ZNF423: variants seen among roughly 807,000 people sequenced by gnomAD.
The protein encoded by ZNF423 is Ebf-associated zinc finger protein.
In ZNF423, 12 loss-of-function variants were observed where a neutral mutation model predicts 95.8. The observed-to-expected ratio is 0.13, with a 90% CI of 0.08 to 0.20. ZNF423 has a LOEUF of 0.20. Ranked by LOEUF, ZNF423 falls within the 10% of genes least tolerant of loss-of-function variation. The pLI is 1.00. For missense variants in ZNF423, 1,316 were observed against 1,737.1 expected (o/e 0.76, Z 4.31); for synonymous variants, 749 against 711.9 (o/e 1.05, Z -0.83).
At chr16:49,531,836 C>T (rs1019697547) in intron 5 of ZNF423, among the ~76,000 whole-genome samples, 8 of 152,040 alleles carry the variant, frequency 5.3e-5, no homozygotes, top group South Asian at 2.1e-4. Flanking sequence ...TGGCAGCCCA[C>T]GGGAACCCAC....
intron 5 of ZNF423, among the ~76,000 whole-genome samples, chr16:49,614,560 A>T (rs376475920): frequency 6.6e-6 from 1 of 152,210 alleles, no homozygotes; most frequent in African/African-American, 2.4e-5. Context: ...GATTATGGGT[A>T]GGAGGGAAGT....
chr16:49,813,624 G>A (rs1018265012), intron 1 of ZNF423, among the ~76,000 whole-genome samples: 1 of 151,948 alleles, frequency 6.6e-6, no homozygotes, highest in African/African-American at 2.4e-5. Flanking sequence ...ATTCCCTCTC[G>A]CTCCCGCATC....
At chr16:49,542,117 C>T (rs950043732) in intron 5 of ZNF423, among the ~76,000 whole-genome samples, 2 of 152,236 alleles carry the variant, frequency 1.3e-5, no homozygotes, top group Non-Finnish European at 2.9e-5. Context: ...CCCCTCTCAG[C>T]CCCTGCCTTG....
chr16:49,530,958 C>T (rs866962716), intron 5 of ZNF423, among the ~76,000 whole-genome samples: 3 of 152,220 alleles, frequency 2.0e-5, no homozygotes, highest in Admixed American at 6.5e-5. Context: ...GCTCCCTGAT[C>T]ACCCAAAAAA....
At chr16:49,831,740 C>T (rs2035063206) in intron 1 of ZNF423, among the ~76,000 whole-genome samples, 1 of 152,038 alleles carries the variant, frequency 6.6e-6, no homozygotes, top group African/African-American at 2.4e-5. Flanking sequence ...CCTGTAATCC[C>T]AGCACTTTGG....
intron 7 of ZNF423, among the ~76,000 whole-genome samples, chr16:49,521,631 G>A (rs1362979317): frequency 6.6e-6 from 1 of 152,166 alleles, no homozygotes; most frequent in African/African-American, 2.4e-5. Context: ...CCCCCTCTCT[G>A]GGCCAGGTCT....
chr16:49,794,029 C>G (rs1000339581), intron 1 of ZNF423, among the ~76,000 whole-genome samples: 2 of 145,296 alleles, frequency 1.4e-5, no homozygotes, highest in African/African-American at 5.7e-5. Flanking sequence ...CTGTCTCTCT[C>G]TCTCTCTCTC....
intron 3 of ZNF423, among the ~76,000 whole-genome samples, chr16:49,718,509 G>A (rs1347212514): frequency 1.3e-5 from 2 of 152,184 alleles, no homozygotes; most frequent in African/African-American, 4.8e-5. Flanking sequence ...TCCTTTGAGT[G>A]CCTGGAATTG....
chr16:49,594,130 T>C (rs1214326634), intron 5 of ZNF423, among the ~76,000 whole-genome samples: 1 of 152,080 alleles, frequency 6.6e-6, no homozygotes, highest in Admixed American at 6.5e-5. Context: ...TAAACAGAAG[T>C]GGGGACATAT....
upstream of ZNF423, among the ~76,000 whole-genome samples, chr16:49,856,933 G>GGCA (rs969876464): frequency 2.7e-5 from 4 of 147,460 alleles, no homozygotes; most frequent in African/African-American, 7.3e-5. Context: ...CGGCGGCGGC[G>GGCA]GCCGGGCTCC....
chr16:49,636,600 T>C lies in ZNF423; in HGVS notation c.2576A>G (p.Lys859Arg). The stretch of plus-strand genomic sequence containing the variant: ...CTGCAGGTCAGCAGGCTCAGCTTTC[T>C]TGGTGGCCATTGGGGGTACCCCATT... ...TANGVPPMATKKAEPADLQGM... is the reference protein window; with the variant it reads ...TANGVPPMATRKAEPADLQGM... Residue 859 changes from lysine (K) to arginine (R), a missense_variant, in exon 4 of 8, where the codon AAG becomes AGG. Physicochemically the swap from Lys to Arg is conservative, Grantham distance 26. Around this residue, in one of 6 missense-constraint regions of ZNF423, gnomAD observed 620 missense variants for 775.6 expected, o/e 0.80. Transcript: ENST00000563137. This position sits in a 1 kb window ranked among gnomAD's most constrained non-coding sequence, Gnocchi z 8.6. 1.2e-6 allele frequency: 2 copies of C among 1,613,926 alleles called. No homozygotes were observed. Among genetic ancestry groups the C allele is most frequent in the Non-Finnish European group, 1.7e-6 (2 of 1,179,968 alleles).
chr16:49,542,655 T>C (rs529287556), intron 5 of ZNF423, among the ~76,000 whole-genome samples: 322 of 152,284 alleles, frequency 2.1e-3, no homozygotes, highest in South Asian at 0.011. Context: ...ATGGCTCCCA[T>C]AGCCAGTTCA....
At chr16:49,809,882 G>C (rs945120591) in intron 1 of ZNF423, among the ~76,000 whole-genome samples, 3 of 152,120 alleles carry the variant, frequency 2.0e-5, no homozygotes, top group African/African-American at 2.4e-5. Flanking sequence ...CTTATGAACC[G>C]CATGAGAGTG....
intron 3 of ZNF423, among the ~76,000 whole-genome samples, chr16:49,676,430 C>G (rs1184120545): frequency 6.6e-6 from 1 of 152,178 alleles, no homozygotes; most frequent in Admixed American, 6.5e-5. Context: ...AGGGAAGGTG[C>G]CTGGAGGTCC....
At chr16:49,656,209 T>C (rs2029877190) in intron 3 of ZNF423, among the ~76,000 whole-genome samples, 1 of 152,094 alleles carries the variant, frequency 6.6e-6, no homozygotes, top group African/African-American at 2.4e-5. Context: ...TCAATGCGAA[T>C]AAAGAATGGG....
chr16:49,855,564 TCCCCCTCCTCCG>T lies in ZNF423; in HGVS notation c.40+159_40+170del, dbSNP rs1254597712. On this transcript the variant is annotated intron_variant, in intron 1 of 7. Coordinates refer to ENST00000563137, the MANE Select transcript of ZNF423 (RefSeq NM_001379286.1). This position sits in a 1 kb window ranked among gnomAD's most constrained non-coding sequence, Gnocchi z 4.7. ...CCGCCTCCTGCTCCCGGCTTCCTCCTCCCCCTCCTCCGCCTCCGCCTCCGCCTCCGCCTCCTC... is the reference window on the plus strand; with the variant it reads ...CCGCCTCCTGCTCCCGGCTTCCTCCTCCTCCGCCTCCGCCTCCGCCTCCTC... Among the ~76,000 whole-genome samples, 3 of 142,284 alleles carry T rather than the reference TCCCCCTCCTCCG, an allele frequency of 2.1e-5. No homozygotes were observed. The highest frequency in any genetic ancestry group is 4.6e-5 in the Non-Finnish European group (3 of 65,178). 93.3% of individuals were successfully genotyped at this position (142,284 alleles called of 152,430 possible).
chr16:49,855,524 C>CCGT lies in ZNF423; in HGVS notation c.40+210_40+211insACG, dbSNP rs1008201001. Among the ~76,000 whole-genome samples, 3 of 150,670 alleles carry CCGT rather than the reference C, an allele frequency of 2.0e-5. No homozygotes were observed. The highest frequency in any genetic ancestry group is 7.3e-5 in the African/African-American group (3 of 40,964). ...CGGCGTACCCCCTCCGCCGCCGCCG[C>CCGT]CGCCGCCGCCGCCTCCGCCTCCTGC... On this transcript the variant is annotated intron_variant, in intron 1 of 7. Coordinates refer to ENST00000563137, the MANE Select transcript of ZNF423 (RefSeq NM_001379286.1). This position sits in a 1 kb window ranked among gnomAD's most constrained non-coding sequence, Gnocchi z 4.7.
intron 1 of ZNF423, among the ~76,000 whole-genome samples, chr16:49,803,896 CA>C (rs2034618415): frequency 6.7e-6 from 1 of 150,240 alleles, no homozygotes; most frequent in Non-Finnish European, 1.5e-5. Flanking sequence ...AGAGCAGACT[CA>C]GGGGTGGGGA....
At chr16:49,759,631 T>C (rs1229307768) in intron 2 of ZNF423, among the ~76,000 whole-genome samples, 1 of 152,250 alleles carries the variant, frequency 6.6e-6, no homozygotes, top group Admixed American at 6.5e-5. Context: ...TTGAAAAGCA[T>C]GGAGTTGCAC....
Sources: gnomAD v4.1 joint callset for allele counts (sites outside exome capture counted in the v4.1 genomes callset) on GRCh38, gnomAD v4.1.1 for gene constraint, gnomAD v4.1.1 regional missense constraint, Gnocchi (gnomAD v3.1) non-coding constraint, MANE v1.5 for transcripts, NCBI Gene and HGNC (gene_info 2026-07-23, HGNC 2026-07-21) for gene names.